ADAM28: variants seen among roughly 807,000 people sequenced by gnomAD.
ADAM28 encodes the protein disintegrin and metalloproteinase domain-containing protein 28.
A neutral mutation model predicts 101.2 loss-of-function variants in ADAM28; 105 were observed. That is an observed-to-expected ratio of 1.04 (90% CI 0.89 to 1.22). The LOEUF (loss-of-function observed/expected upper bound fraction) is 1.22. ADAM28 is among the 50% of genes most tolerant of loss of function. ADAM28 has a pLI of 0.00. For synonymous variants in ADAM28, 322 were observed against 310.6 expected, an observed-to-expected ratio of 1.04 and a Z score of -0.39; for missense variants, 1,028 against 945.4, an observed-to-expected ratio of 1.09 and a Z score of -1.15.
At chr8:24,310,117 G>T (rs1397034919) in intron 3 of ADAM28, 46 bp from the exon 4 acceptor site, 2 of 1,591,360 alleles carry the variant, frequency 1.3e-6, no homozygotes, top group Admixed American at 3.3e-5. Flanking sequence ...CATGGACTTA[G>T]CAATCAGCAC....
rs1563270579 is a variant in ADAM28 at position 24,306,367 on chromosome 8, T to TATATATATATATATTTAAAAAAAAAAA, written c.151-3513_151-3512insTTAAAAAAAAAAAATATATATATATAT. Among the ~76,000 whole-genome samples, 17 of 136,352 alleles carry TATATATATATATATTTAAAAAAAAAAA rather than the reference T, an allele frequency of 1.2e-4. 1 individual carries two copies. The highest frequency in any genetic ancestry group is 4.8e-4 in the African/African-American group (17 of 35,704). The allele number at this position is 136,352 out of a possible 152,430, so 89.5% of individuals were successfully genotyped here. A position where few individuals can be genotyped will look rare whatever the true frequency, so the allele number is the denominator to read the frequency against. The stretch of plus-strand genomic sequence containing the variant: ...TCAAATACAAATAAATAAATAAATA[T>TATATATATATATATTTAAAAAAAAAAA]ATATATATATATATATATTTAAAAA... On this transcript the variant is annotated intron_variant, in intron 2 of 22. Transcript: ENST00000265769.
At chr8:24,298,243 AT>A (rs972143261) in intron 1 of ADAM28, among the ~76,000 whole-genome samples, 7 of 151,534 alleles carry the variant, frequency 4.6e-5, no homozygotes, top group Admixed American at 1.3e-4. Context: ...GTAATTTTGA[AT>A]TTTTTTTTAG....
Position 24,341,650 on chromosome 8 carries a change from T to C in ADAM28, c.1723T>C (p.Trp575Arg). ...FCQGGSDNLPWKGRIVTFLTC... is the reference protein window; with the variant it reads ...FCQGGSDNLPRKGRIVTFLTC... ...TCAAGGTGGGTCGGATAATTTGCCCTGGAAAGGACGGATAGTGACTTTCCT... is the reference window on the plus strand; with the variant it reads ...TCAAGGTGGGTCGGATAATTTGCCCCGGAAAGGACGGATAGTGACTTTCCT... The change falls in exon 16 of 23, where the codon TGG (tryptophan) becomes CGG (arginine). Residue 575 changes from tryptophan to arginine, a missense_variant. Transcript: ENST00000265769. 5 of 1,613,906 alleles carry C rather than the reference T, an allele frequency of 3.1e-6. No homozygotes were observed. Among genetic ancestry groups the C allele is most frequent in the Non-Finnish European group, 4.2e-6 (5 of 1,179,824 alleles).
chr8:24,353,154 TAGCTC>T (rs1377670294), intron 21 of ADAM28, among the ~76,000 whole-genome samples: 4 of 152,178 alleles, frequency 2.6e-5, no homozygotes, highest in Non-Finnish European at 4.4e-5. Flanking sequence ...AAACGATAAA[TAGCTC>T]TGCTCTGTGA....
At chr8:24,316,106 A>C (rs1811128977) in intron 6 of ADAM28, among the ~76,000 whole-genome samples, 1 of 151,306 alleles carries the variant, frequency 6.6e-6, no homozygotes, top group South Asian at 2.1e-4. Context: ...ATTTTTTAGC[A>C]GTCAAATATA....
intron 14 of ADAM28, among the ~76,000 whole-genome samples, chr8:24,336,779 A>G (rs1220952563): frequency 1.3e-5 from 2 of 150,118 alleles, no homozygotes; most frequent in African/African-American, 4.9e-5. Context: ...ATTTAAGTTG[A>G]AAAAAAAAGG....
chr8:24,343,509 T>C lies in ADAM28; in HGVS notation c.1915T>C (p.Cys639Arg). ...CSSKCKGHAV[C>R]DHELQCQCEE... ...AACAGGATCATTGCTCCCCTAGGTG[T>C]GTGACCATGAGCTCCAGTGTCAATG... Residue 639 changes from cysteine (C) to arginine (R), a missense_variant, in exon 18 of 23, where the codon TGT becomes CGT. By Grantham distance (180) the Cys-to-Arg change is radical. Transcript: ENST00000265769. 1 of 1,613,706 alleles carries C rather than the reference T, an allele frequency of 6.2e-7. No individual in the cohort carries two copies. Among genetic ancestry groups the C allele is most frequent in the Non-Finnish European group, 8.5e-7 (1 of 1,179,788 alleles).
At chr8:24,347,948 T>C (rs148097451) in intron 18 of ADAM28, among the ~76,000 whole-genome samples, 12 of 152,280 alleles carry the variant, frequency 7.9e-5, no homozygotes, top group African/African-American at 1.9e-4. Context: ...CATGCACATA[T>C]AGTTTTTAGT....
Position 24,329,907 on chromosome 8 carries a change from GA to G in ADAM28, c.973-77del, listed in dbSNP as rs1311411462. On this transcript the variant is annotated intron_variant, in intron 10 of 22. Coordinates refer to ENST00000265769, the MANE Select transcript of ADAM28 (RefSeq NM_014265.6). ...TGTGTGAGAGAGAGAGAGAGAGAGA[GA>G]GAGAGAGATGGCAAGTAGAGTGATG... is the stretch of plus-strand genomic sequence containing the variant. 1.1e-5 allele frequency: 16 copies of G among 1,479,488 alleles called. No homozygotes were observed. The African/African-American group carries it at 1.8e-4, about 17-fold the overall frequency. 91.6% of individuals were successfully genotyped at this position (1,479,488 alleles called of 1,614,324 possible). A position where few individuals can be genotyped will look rare whatever the true frequency, so the allele number is the denominator to read the frequency against.
chr8:24,332,870 A>C, intron 13 of ADAM28, 121 bp downstream of exon 13: 1 of 494,770 alleles, frequency 2.0e-6, no homozygotes, highest in East Asian at 3.7e-5. Flanking sequence ...TGATATATTT[A>C]CTATTTATGA....
Position 24,310,046 on chromosome 8 carries a change from G to T in ADAM28, c.227+76G>T, listed in dbSNP as rs572016619. On this transcript the variant is annotated intron_variant, in intron 3 of 22. Transcript: ENST00000265769. Reference sequence around the variant, plus strand: ...TGGAGAGTGTGCTGAGTCTGTTGCTGCTTATGGCTCACACAAACCTGGACT... The same window carrying T: ...TGGAGAGTGTGCTGAGTCTGTTGCTTCTTATGGCTCACACAAACCTGGACT... The T allele has an allele frequency of 1.7e-5, 25 of 1,478,316 alleles. No individual in the cohort carries two copies. In the East Asian group the frequency reaches 5.7e-4, roughly 34 times the overall value. 91.6% of individuals were successfully genotyped at this position (1,478,316 alleles called of 1,614,324 possible).
intron 2 of ADAM28, among the ~76,000 whole-genome samples, chr8:24,306,008 T>G (rs1180065548): frequency 6.6e-6 from 1 of 152,040 alleles, no homozygotes; most frequent in African/African-American, 2.4e-5. Flanking sequence ...CATGACAGGG[T>G]TGCCAGATGA....
intron 9 of ADAM28, 107 bp from the exon 10 acceptor site, chr8:24,326,447 G>A: frequency 2.0e-6 from 2 of 985,236 alleles, no homozygotes; most frequent in Non-Finnish European, 1.5e-6. Context: ...GACAGTGATG[G>A]TTCACAGTGA....
At chr8:24,304,485 TG>T (rs1349512126) in intron 2 of ADAM28, among the ~76,000 whole-genome samples, 2 of 151,984 alleles carry the variant, frequency 1.3e-5, no homozygotes, top group Non-Finnish European at 2.9e-5. Flanking sequence ...TGTCTTAAAG[TG>T]GAGATGATCA....
intron 2 of ADAM28, chr8:24,300,888 T>C (rs940567988): frequency 1.3e-5 from 2 of 152,190 alleles, no homozygotes; most frequent in African/African-American, 4.8e-5. Flanking sequence ...AATTTACCTG[T>C]CTTTTCTGAA....
intron 14 of ADAM28, chr8:24,336,231 A>T (rs1482854056): frequency 2.2e-6 from 2 of 916,774 alleles, no homozygotes; most frequent in Non-Finnish European, 2.6e-6. Context: ...CACCAAGAAA[A>T]CTTGAAAAAT....
At chr8:24,317,552 TA>T (rs766248980) in intron 6 of ADAM28, among the ~76,000 whole-genome samples, 4 of 151,928 alleles carry the variant, frequency 2.6e-5, no homozygotes, top group Non-Finnish European at 5.9e-5. Flanking sequence ...AAAAGAAACC[TA>T]AATGTAATAC....
intron 9 of ADAM28, among the ~76,000 whole-genome samples, chr8:24,326,089 A>G (rs1812582097): frequency 6.6e-6 from 1 of 151,864 alleles, no homozygotes; most frequent in Admixed American, 6.6e-5. Flanking sequence ...GATCACTAAT[A>G]CAAATGCTTT....
At chr8:24,318,824 A>T (rs772102998) in intron 6 of ADAM28, among the ~76,000 whole-genome samples, 3 of 151,960 alleles carry the variant, frequency 2.0e-5, no homozygotes, top group Non-Finnish European at 4.4e-5. Flanking sequence ...GTGCCATCTC[A>T]TAATAACCAT....
Sources: gnomAD v4.1 joint callset for allele counts (sites outside exome capture counted in the v4.1 genomes callset) on GRCh38, gnomAD v4.1.1 for gene constraint, MANE v1.5 for transcripts, NCBI Gene and HGNC (gene_info 2026-07-23, HGNC 2026-07-21) for gene names.